The following DMD variants were observed in gnomAD, a reference collection of about 807,000 sequenced individuals.
DMD encodes dystrophin.
In DMD, 63 loss-of-function variants were observed where a neutral mutation model predicts 330.1. That is an observed-to-expected ratio of 0.19 (90% CI 0.16 to 0.24). The LOEUF (loss-of-function observed/expected upper bound fraction) is 0.24, where lower values mean the gene tolerates loss of function less well. Ranked by LOEUF, DMD falls within the 10% of genes least tolerant of loss-of-function variation. The probability of loss-of-function intolerance (pLI) is 1.00; values close to 1 mark genes in which losing one functional copy is unlikely to be tolerated. For missense variants in DMD, 3,344 were observed against 2,684.1 expected, an observed-to-expected ratio of 1.25 and a Z score of -5.43; for synonymous variants, 1,223 against 959.8, an observed-to-expected ratio of 1.27 and a Z score of -5.07.
At chrX:32,203,079 C>T (rs1167012077) in intron 44 of DMD, among the ~76,000 whole-genome samples, 1 of 112,022 alleles carries the variant, frequency 8.9e-6, no homozygotes, top group Non-Finnish European at 1.9e-5. Flanking sequence ...CATGCTATCA[C>T]CCTCCATCTG....
At chrX:32,776,561 C>CG (rs1219338777) in intron 7 of DMD, among the ~76,000 whole-genome samples, 1 of 110,526 alleles carries the variant, frequency 9.0e-6, no homozygotes, top group Non-Finnish European at 1.9e-5. Flanking sequence ...GCAGTGGGGT[C>CG]GGGGGGAAGG....
At chrX:31,384,036 T>C (rs774381302) in intron 60 of DMD, among the ~76,000 whole-genome samples, 10 of 111,975 alleles carry the variant, frequency 8.9e-5, no homozygotes, top group Admixed American at 1.9e-4. Context: ...CATCTGCAGA[T>C]GGCAAAGATA....
intron 44 of DMD, among the ~76,000 whole-genome samples, chrX:32,121,620 C>CAT (rs10535803): frequency 0.05 from 1,813 of 36,135 alleles, 105 homozygotes; most frequent in Non-Finnish European, 0.055. Flanking sequence ...AATATGTGTG[C>CAT]ATATATATAT....
At chrX:32,735,259 T>A (rs1427553470) in intron 7 of DMD, among the ~76,000 whole-genome samples, 10 of 109,197 alleles carry the variant, frequency 9.2e-5, no homozygotes, top group Non-Finnish European at 1.9e-4. Context: ...CTCAATGAAA[T>A]AAAAGAGGAT....
Position 32,343,515 on chromosome X carries a change from T to C in DMD, c.5587-229A>G, listed in dbSNP as rs72468619. 3.4e-3 allele frequency among the ~76,000 whole-genome samples: 385 copies of C among 112,112 alleles called. 11 individuals are homozygous for C. In the East Asian group the frequency reaches 0.088, roughly 26 times the overall value. ...AATAACACACTTAAAGTATTTTCTC[T>C]TAGCATGTTCAAACTTGCTTAAAAA... On this transcript the variant is annotated intron_variant, in intron 39 of 78. Coordinates refer to ENST00000357033, the MANE Select transcript of DMD (RefSeq NM_004006.3).
chrX:31,432,201 A>AT (rs1254544208), intron 60 of DMD, among the ~76,000 whole-genome samples: 1 of 111,537 alleles, frequency 9.0e-6, no homozygotes, highest in South Asian at 3.7e-4. Context: ...AAAGATCAGG[A>AT]TTTTTTTTCA....
At chrX:31,504,236 G>A (rs55875700) in intron 56 of DMD, among the ~76,000 whole-genome samples, 2,488 of 111,032 alleles carry the variant, frequency 0.022, 36 homozygotes, top group Non-Finnish European at 0.035. Flanking sequence ...GAAGAGAAAA[G>A]ATGTATGGCA....
intron 48 of DMD, among the ~76,000 whole-genome samples, chrX:31,867,809 T>G (rs2093826039): frequency 1.8e-5 from 2 of 111,271 alleles, no homozygotes; most frequent in South Asian, 7.6e-4. Flanking sequence ...GATAATAATA[T>G]TATGTCATCA....
chrX:32,664,868 G>A lies in DMD; in HGVS notation c.961-19716C>T, dbSNP rs145437920. On this transcript the variant is annotated intron_variant, in intron 9 of 78. Transcript: ENST00000357033. ...AGATAAGATCATCGAGAAAATGAAT[G>A]TGGTCTAAGAACCAACCCCTGGTTA... is the stretch of plus-strand genomic sequence containing the variant. Among the ~76,000 whole-genome samples, 325 of 111,640 alleles carry A rather than the reference G, an allele frequency of 2.9e-3. 2 individuals are homozygous for A. The highest frequency in any genetic ancestry group is 0.01 in the African/African-American group (315 of 30,654).
chrX:32,366,775 A>G (rs2097856096), intron 34 of DMD, among the ~76,000 whole-genome samples: 1 of 112,266 alleles, frequency 8.9e-6, no homozygotes, highest in African/African-American at 3.2e-5. Context: ...GGCATCGGAT[A>G]AACAGGAGAA....
At chrX:32,883,727 G>A (rs752783904) in intron 2 of DMD, among the ~76,000 whole-genome samples, 2 of 104,055 alleles carry the variant, frequency 1.9e-5, no homozygotes, top group African/African-American at 7.1e-5. Context: ...GGGAGGCTGA[G>A]GCAGGAGAAT....
intron 47 of DMD, among the ~76,000 whole-genome samples, chrX:31,917,172 G>C (rs2094619800): frequency 8.9e-6 from 1 of 111,753 alleles, no homozygotes; most frequent in African/African-American, 3.3e-5. Flanking sequence ...CTATGCAAGA[G>C]CCATTGAATC....
At chrX:33,070,732 GATA>G (rs2094742743) in intron 1 of DMD, among the ~76,000 whole-genome samples, 1 of 63,634 alleles carries the variant, frequency 1.6e-5, no homozygotes, top group Admixed American at 2.3e-4. Context: ...TATCAATATT[GATA>G]ATGTTTCTTT....
At chrX:33,266,992 C>G (rs1270904538) in intron 1 of DMD, among the ~76,000 whole-genome samples, 2 of 110,276 alleles carry the variant, frequency 1.8e-5, no homozygotes, top group Non-Finnish European at 3.8e-5. Context: ...GAAGTCCTAG[C>G]CACAGCAATT....
intron 1 of DMD, among the ~76,000 whole-genome samples, chrX:33,065,397 T>C (rs969838434): frequency 2.7e-5 from 3 of 112,698 alleles, no homozygotes; most frequent in African/African-American, 9.7e-5. Context: ...AGATTACTTT[T>C]AATGAGATAG....
chrX:32,045,968 G>T (rs34944509), intron 44 of DMD, among the ~76,000 whole-genome samples: 15,600 of 111,416 alleles, frequency 0.14, 836 homozygotes, highest in Non-Finnish European at 0.17. Context: ...GCTCCTCATT[G>T]ATGTATGTAT....
chrX:33,003,687 G>A (rs374712290), intron 2 of DMD, among the ~76,000 whole-genome samples: 18 of 110,095 alleles, frequency 1.6e-4, no homozygotes, highest in African/African-American at 5.9e-4. Context: ...ATGCTGAAAT[G>A]TCTTATATAA....
chrX:32,810,184 G>A (rs986447725), intron 6 of DMD, among the ~76,000 whole-genome samples: 1 of 110,931 alleles, frequency 9.0e-6, no homozygotes, highest in African/African-American at 3.3e-5. Context: ...CAATTATACA[G>A]CAATAAAGAT....
intron 7 of DMD, among the ~76,000 whole-genome samples, chrX:32,746,677 T>G (rs192912922): frequency 5.9e-4 from 66 of 112,315 alleles, no homozygotes; most frequent in African/African-American, 2.0e-3. Context: ...ATCCATTACC[T>G]CAAATATTTG....
Sources: gnomAD v4.1 joint callset for allele counts (sites outside exome capture counted in the v4.1 genomes callset) on GRCh38, gnomAD v4.1.1 for gene constraint, MANE v1.5 for transcripts, NCBI Gene and HGNC (gene_info 2026-07-23, HGNC 2026-07-21) for gene names.